Variants in BOLL observed in about 807,000 individuals in gnomAD.
BOLL encodes protein boule-like.
In BOLL, 23 loss-of-function variants were observed where a neutral mutation model predicts 44.4. That is an observed-to-expected ratio of 0.52 (90% CI 0.37 to 0.73). The LOEUF is 0.73. Ranked by LOEUF, BOLL falls within the 30% of genes least tolerant of loss-of-function variation. The pLI is 0.00. For synonymous variants in BOLL, 97 were observed against 110.8 expected (o/e 0.88, Z 0.78); for missense variants, 287 against 338.3 (o/e 0.85, Z 1.19).
intron 9 of BOLL, among the ~76,000 whole-genome samples, chr2:197,745,028 G>A (rs1318022854): frequency 1.3e-5 from 2 of 152,156 alleles, no homozygotes; most frequent in Admixed American, 6.6e-5. Flanking sequence ...AGAAGCTAAG[G>A]ATGAGTTACG....
At chr2:197,769,379 T>G (rs1464861782) in intron 6 of BOLL, among the ~76,000 whole-genome samples, 1 of 152,078 alleles carries the variant, frequency 6.6e-6, no homozygotes, top group East Asian at 1.9e-4. Flanking sequence ...TTCTTCCTGG[T>G]TTAGTCTTGG....
intron 1 of BOLL, chr2:197,784,855 C>T: frequency 7.1e-6 from 7 of 987,430 alleles, no homozygotes; most frequent in Non-Finnish European, 8.4e-6. Flanking sequence ...GCAATAATTC[C>T]GCATGTGTTA....
At position 197,776,956 on chromosome 2, in the gene BOLL, A is replaced by G; in HGVS notation, c.276+103T>C. The G allele has an allele frequency of 5.6e-6, 5 of 899,086 alleles. 1 individual carries two copies. In the South Asian group the frequency reaches 8.6e-5, roughly 15 times the overall value. 55.7% of individuals were successfully genotyped at this position (899,086 alleles called of 1,614,324 possible). On this transcript the variant is annotated intron_variant, in intron 4 of 10. Transcript: ENST00000392296. ...GACCAATGCCAATCTTAAGATGCAA[A>G]CCTTTTTTAAAAAGCAGTTGATTAT...
chr2:197,748,976 T>C (rs573943849), intron 9 of BOLL, among the ~76,000 whole-genome samples: 15 of 152,204 alleles, frequency 9.9e-5, no homozygotes, highest in Non-Finnish European at 1.8e-4. Flanking sequence ...AGACACCTCA[T>C]ACAGGAGAGC....
chr2:197,748,670 A>C (rs1688097600), intron 9 of BOLL, among the ~76,000 whole-genome samples: 1 of 152,266 alleles, frequency 6.6e-6, no homozygotes, highest in Non-Finnish European at 1.5e-5. Flanking sequence ...CACTGTAGCC[A>C]GACTGCCTTT....
intron 2 of BOLL, 79 bp from the exon 3 acceptor site, chr2:197,779,145 C>A: frequency 9.2e-7 from 1 of 1,086,456 alleles, no homozygotes; most frequent in Non-Finnish European, 1.3e-6. Context: ...GCTCTGGAGA[C>A]AGAAAAAGTT....
chr2:197,771,576 G>A (rs1689263021), intron 6 of BOLL, among the ~76,000 whole-genome samples: 1 of 152,020 alleles, frequency 6.6e-6, no homozygotes, highest in Non-Finnish European at 1.5e-5. Flanking sequence ...TATATTTGTA[G>A]TAAAAATATA....
At chr2:197,772,656 C>T (rs114169611) in intron 5 of BOLL, among the ~76,000 whole-genome samples, 2 of 151,816 alleles carry the variant, frequency 1.3e-5, no homozygotes, top group African/African-American at 4.8e-5. Context: ...AACTCTTTTC[C>T]CGGGCCAAGT....
intron 2 of BOLL, among the ~76,000 whole-genome samples, chr2:197,780,479 T>G (rs1393115962): frequency 6.6e-6 from 1 of 152,108 alleles, no homozygotes; most frequent in African/African-American, 2.4e-5. Context: ...TAACTTATTT[T>G]TAAAAACATG....
Position 197,727,092 on chromosome 2 carries a change from T to C in BOLL, c.*1463A>G, listed in dbSNP as rs1422947055. ...ATTGTGGGACTTAATCTATTTACAT[T>C]CCTAAAACTGAGAATAATTAATGTA... is the stretch of plus-strand genomic sequence containing the variant. On this transcript the variant is annotated 3_prime_UTR_variant, in exon 11 of 11. Coordinates refer to ENST00000392296, the MANE Select transcript of BOLL (RefSeq NM_033030.6). 1 of 152,438 alleles carries C rather than the reference T, an allele frequency of 6.6e-6. No individual in the cohort carries two copies. The highest frequency in any genetic ancestry group is 2.4e-5 in the African/African-American group (1 of 41,436). The allele number at this position is 152,438 out of a possible 1,614,324, so 9.4% of individuals were successfully genotyped here.
rs770660 is a variant in BOLL, at chr2:197,784,926, C to T, written c.-16+130G>A. On this transcript the variant is annotated intron_variant, in intron 1 of 10. Transcript: ENST00000392296. ...AAGGCTCCTCCGTTTGCTAAAACTT[C>T]CAGCACTAGAGAGTTTATTAAACTA... is the stretch of plus-strand genomic sequence containing the variant. 1,932 of 986,604 alleles carry T rather than the reference C, an allele frequency of 2.0e-3. 30 individuals carry two copies. In the African/African-American group the frequency reaches 0.03, roughly 15 times the overall value. The allele number at this position is 986,604 out of a possible 1,614,324, so 61.1% of individuals were successfully genotyped here.
At chr2:197,741,391 T>C (rs1687724596) in intron 10 of BOLL, among the ~76,000 whole-genome samples, 1 of 152,066 alleles carries the variant, frequency 6.6e-6, no homozygotes, top group East Asian at 1.9e-4. Flanking sequence ...GCTGAGACAA[T>C]GGGGTTTTCT....
upstream of BOLL, chr2:197,785,378 C>T (rs1235278005): frequency 3.0e-6 from 3 of 985,714 alleles, no homozygotes; most frequent in Non-Finnish European, 3.6e-6. This position sits in a 1 kb window ranked among gnomAD's most constrained non-coding sequence, Gnocchi z 6.7. Flanking sequence ...CGGGGCGGGG[C>T]GGGATGGCAC....
At chr2:197,734,580 G>A (rs779422871) in intron 10 of BOLL, among the ~76,000 whole-genome samples, 2 of 152,224 alleles carry the variant, frequency 1.3e-5, no homozygotes, top group Non-Finnish European at 2.9e-5. Context: ...CAATGATAGA[G>A]TGGATTAAGA....
intron 2 of BOLL, among the ~76,000 whole-genome samples, chr2:197,781,146 A>AT (rs930467138): frequency 4.6e-5 from 7 of 151,020 alleles, no homozygotes; most frequent in Admixed American, 1.3e-4. Context: ...CCGAATAGTT[A>AT]TTTTTTTTTC....
chr2:197,776,925 C>G (rs1049658906), intron 4 of BOLL, 134 bp downstream of exon 4: 2 of 599,698 alleles, frequency 3.3e-6, no homozygotes, highest in Admixed American at 7.4e-5. Context: ...GATTAAGTTT[C>G]CTAGAGACCA....
intron 9 of BOLL, among the ~76,000 whole-genome samples, chr2:197,749,807 C>T (rs2106337990): frequency 6.6e-6 from 1 of 152,136 alleles, no homozygotes; most frequent in East Asian, 1.9e-4. Context: ...AGGTGGAAAA[C>T]ACACTCAGGA....
At chr2:197,733,424 C>G (rs1346573398) in intron 10 of BOLL, among the ~76,000 whole-genome samples, 2 of 150,846 alleles carry the variant, frequency 1.3e-5, no homozygotes, top group Non-Finnish European at 3.0e-5. Context: ...CCCCATCAAG[C>G]TACCAATGAC....
intron 10 of BOLL, among the ~76,000 whole-genome samples, chr2:197,739,780 T>C (rs547165148): frequency 2.0e-5 from 3 of 152,164 alleles, no homozygotes; most frequent in African/African-American, 7.2e-5. Context: ...AACATTAACA[T>C]CCTTTGGAAA....
Sources: allele counts gnomAD v4.1 joint callset (sites outside exome capture counted in the v4.1 genomes callset), GRCh38; gene constraint gnomAD v4.1.1; non-coding constraint Gnocchi (gnomAD v3.1); transcripts MANE v1.5; gene names NCBI Gene and HGNC (gene_info 2026-07-23, HGNC 2026-07-21).